CDH4: variants seen among roughly 807,000 people sequenced by gnomAD.
CDH4 encodes cadherin 4.
Under a neutral mutation model 86.0 loss-of-function variants are expected in CDH4, and 33 were observed. The observed-to-expected ratio is 0.38, with a 90% confidence interval of 0.29 to 0.51. The LOEUF (loss-of-function observed/expected upper bound fraction) is 0.51. Among genes scored for constraint, CDH4 ranks in the 20% least tolerant of loss-of-function variants. The pLI is 0.86. For synonymous variants in CDH4, 555 were observed against 549.4 expected, an observed-to-expected ratio of 1.01 and a Z score of -0.14; for missense variants, 1,114 against 1,307.4, an observed-to-expected ratio of 0.85 and a Z score of 2.28.
chr20:61,851,672 G>T (rs1982732264), intron 5 of CDH4, among the ~76,000 whole-genome samples: 1 of 152,186 alleles, frequency 6.6e-6, no homozygotes, highest in African/African-American at 2.4e-5. Flanking sequence ...AGAGGCCTCG[G>T]ATGTGCCCTT....
intron 2 of CDH4, among the ~76,000 whole-genome samples, chr20:61,596,141 T>A (rs544397979): frequency 6.6e-6 from 1 of 152,334 alleles, no homozygotes; most frequent in South Asian, 2.1e-4. Context: ...GGCATGGGAA[T>A]GGCATTCAGT....
At chr20:61,920,575 TGTG>T (rs755745383) in intron 9 of CDH4, among the ~76,000 whole-genome samples, 78 of 140,330 alleles carry the variant, frequency 5.6e-4, no homozygotes, top group East Asian at 1.8e-3. Flanking sequence ...TGTGTGGAAA[TGTG>T]GTGTGATTGC....
Position 61,469,494 on chromosome 20 carries a change from C to A in CDH4, c.169+214557C>A, listed in dbSNP as rs182885833. ...CAGGTGAGTAGTTTGCACATATTTT[C>A]TCCCATTCTGTGGGTTGTCTGTTCA... On this transcript the variant is annotated intron_variant, in intron 2 of 15. Transcript: ENST00000614565. Among the ~76,000 whole-genome samples, 6 of 152,268 alleles carry A rather than the reference C, an allele frequency of 3.9e-5. No individual in the cohort carries two copies. The East Asian group carries it at 1.2e-3, about 29-fold the overall frequency.
At chr20:61,418,755 G>T (rs1427562226) in intron 2 of CDH4, among the ~76,000 whole-genome samples, 2 of 152,170 alleles carry the variant, frequency 1.3e-5, no homozygotes, top group African/African-American at 4.8e-5. Context: ...TATGGACAGG[G>T]CTGGTTCCTT....
chr20:61,311,644 A>C (rs2084446171), intron 2 of CDH4, among the ~76,000 whole-genome samples: 1 of 152,244 alleles, frequency 6.6e-6, no homozygotes, highest in Admixed American at 6.5e-5. Flanking sequence ...ATTTTCTTTT[A>C]ATTGGTTTAC....
At chr20:61,268,656 G>C (rs1481271179) in intron 2 of CDH4, among the ~76,000 whole-genome samples, 1 of 152,022 alleles carries the variant, frequency 6.6e-6, no homozygotes, top group African/African-American at 2.4e-5. Context: ...GTTAGTTCCT[G>C]GGAGAGCTCA....
rs548726503 is a variant in CDH4, at chr20:61,743,594, G to C, written c.201G>C (p.Gly67=). 8.9e-6 allele frequency: 14 copies of C among 1,575,320 alleles called. No individual in the cohort carries two copies. The East Asian group carries it at 2.8e-4, about 31-fold the overall frequency. The change falls in exon 3 of 16, where the codon GGG becomes GGC. Residue 67 remains glycine (G), a synonymous_variant. Coordinates refer to ENST00000614565, the MANE Select transcript of CDH4 (RefSeq NM_001794.5). ...VKFSSCVGTK[G]TQYETNSMDF... ...TCAGCAGCTGTGTGGGGACCAAGGG[G>C]ACACAATATGAGACCAACAGCATGG...
intron 2 of CDH4, among the ~76,000 whole-genome samples, chr20:61,435,202 A>G (rs6089311): frequency 0.074 from 11,218 of 152,282 alleles, 681 homozygotes; most frequent in African/African-American, 0.16. Flanking sequence ...ACAGGGACTG[A>G]CTGCGCCATG....
chr20:61,421,311 A>T (rs2085176609), intron 2 of CDH4, among the ~76,000 whole-genome samples: 1 of 152,202 alleles, frequency 6.6e-6, no homozygotes, highest in African/African-American at 2.4e-5. Flanking sequence ...AGGGGTCTTT[A>T]TTCCATTCCA....
chr20:61,550,971 G>A (rs8126196), intron 2 of CDH4, among the ~76,000 whole-genome samples: 4,690 of 152,294 alleles, frequency 0.031, 145 homozygotes, highest in African/African-American at 0.078. Flanking sequence ...TCTGCAGTTG[G>A]TCAGTCAGAC....
At chr20:61,692,273 C>G (rs1568759221) in intron 2 of CDH4, among the ~76,000 whole-genome samples, 17 of 148,718 alleles carry the variant, frequency 1.1e-4, no homozygotes, top group Non-Finnish European at 2.4e-4. Flanking sequence ...GTATGTGTGT[C>G]TTTGTGTGTG....
chr20:61,573,437 A>G (rs1447486258), intron 2 of CDH4, among the ~76,000 whole-genome samples: 1 of 152,252 alleles, frequency 6.6e-6, no homozygotes, highest in Non-Finnish European at 1.5e-5. Flanking sequence ...CTCCAGAAGC[A>G]GAAGGACTGT....
At chr20:61,276,652 A>C (rs529722122) in intron 2 of CDH4, among the ~76,000 whole-genome samples, 3 of 152,176 alleles carry the variant, frequency 2.0e-5, no homozygotes, top group Admixed American at 2.0e-4. Flanking sequence ...TCTTGTGGCC[A>C]AGTCAGCTGT....
chr20:61,663,889 G>T lies in CDH4; in HGVS notation c.170-79674G>T, dbSNP rs370300189. 1.3e-5 allele frequency among the ~76,000 whole-genome samples: 2 copies of T among 152,166 alleles called. No homozygotes were observed. Among genetic ancestry groups the T allele is most frequent in the African/African-American group, 4.8e-5 (2 of 41,444 alleles). On this transcript the variant is annotated intron_variant, in intron 2 of 15. Coordinates refer to ENST00000614565, the MANE Select transcript of CDH4 (RefSeq NM_001794.5). The surrounding 1 kb of genome is among the most constrained non-coding windows in gnomAD (Gnocchi z 5.0). ...CGCCCTGGCCCTCCACACTCCCACC[G>T]CTGGCGCCAGCATCTGTGCCCGCGG...
At chr20:61,387,169 A>G (rs62199078) in intron 2 of CDH4, among the ~76,000 whole-genome samples, 37,421 of 151,992 alleles carry the variant, frequency 0.25, 4,977 homozygotes, top group African/African-American at 0.34. Flanking sequence ...CCCCCCTAAT[A>G]TGACACACAC....
At chr20:61,774,173 C>T (rs1006483764) in intron 4 of CDH4, among the ~76,000 whole-genome samples, 4 of 152,260 alleles carry the variant, frequency 2.6e-5, no homozygotes, top group Non-Finnish European at 5.9e-5. Context: ...CACCTCAGCA[C>T]CCAGCCTCTG....
intron 2 of CDH4, among the ~76,000 whole-genome samples, chr20:61,736,845 G>T (rs752751186): frequency 2.1e-4 from 32 of 152,144 alleles, no homozygotes; most frequent in Non-Finnish European, 3.2e-4. Context: ...AACCAAGACT[G>T]GGGTGACAGA....
intron 2 of CDH4, among the ~76,000 whole-genome samples, chr20:61,434,013 C>T (rs1315380397): frequency 1.3e-5 from 2 of 152,204 alleles, no homozygotes; most frequent in East Asian, 1.9e-4. Flanking sequence ...TCCCATGGCG[C>T]ATGGCTGACG....
rs192480573 is a variant in CDH4, at chr20:61,266,287, A to T, written c.169+11350A>T. On this transcript the variant is annotated intron_variant, in intron 2 of 15. Coordinates refer to ENST00000614565, the MANE Select transcript of CDH4 (RefSeq NM_001794.5). The stretch of plus-strand genomic sequence containing the variant: ...TGATTTAATGAATTTCCAGCCCCAG[A>T]GTGTGGGTATTGGACACTCTGTCTC... Among the ~76,000 whole-genome samples the T allele has an allele frequency of 8.8e-4, 134 of 151,968 alleles. 1 individual carries two copies. Among genetic ancestry groups the T allele is most frequent in the Middle Eastern group, 6.8e-3 (2 of 294 alleles).
Sources: allele counts gnomAD v4.1 joint callset (sites outside exome capture counted in the v4.1 genomes callset), GRCh38; gene constraint gnomAD v4.1.1; non-coding constraint Gnocchi (gnomAD v3.1); transcripts MANE v1.5; gene names NCBI Gene and HGNC (gene_info 2026-07-23, HGNC 2026-07-21).